AGMO: variants seen among roughly 807,000 people sequenced by gnomAD.
AGMO encodes glyceryl-ether monooxygenase.
In AGMO, 75 loss-of-function variants were observed where a neutral mutation model predicts 60.2. That is an observed-to-expected ratio of 1.25 (90% CI 1.03 to 1.51). AGMO has a LOEUF of 1.51. AGMO is among the 40% of genes most tolerant of loss of function. The pLI is 0.00. For synonymous variants in AGMO, 261 were observed against 177.1 expected, an observed-to-expected ratio of 1.47 and a Z score of -3.76; for missense variants, 763 against 525.5, an observed-to-expected ratio of 1.45 and a Z score of -4.42.
At chr7:15,197,394 A>C (rs897770524), downstream of AGMO, among the ~76,000 whole-genome samples, 5 of 152,224 alleles carry the variant, frequency 3.3e-5, no homozygotes, top group Admixed American at 2.6e-4. Flanking sequence ...GAAAATATTT[A>C]ATAAACTATC....
chr7:15,274,524 C>G (rs1783719345), intron 12 of AGMO, among the ~76,000 whole-genome samples: 1 of 151,284 alleles, frequency 6.6e-6, no homozygotes, highest in Non-Finnish European at 1.5e-5. Flanking sequence ...TTTGATTGGT[C>G]TATGTTTTTA....
intron 12 of AGMO, among the ~76,000 whole-genome samples, chr7:15,245,672 T>C (rs190306691): frequency 5.3e-5 from 8 of 152,188 alleles, no homozygotes; most frequent in Admixed American, 1.3e-4. Context: ...TTTTCGCTAC[T>C]AAAAAGGAGA....
intron 3 of AGMO, among the ~76,000 whole-genome samples, chr7:15,461,640 G>C (rs117467022): frequency 6.6e-6 from 1 of 152,052 alleles, no homozygotes; most frequent in African/African-American, 2.4e-5. Context: ...TCTAGAATGA[G>C]CATGTCTTTT....
chr7:15,232,801 G>GCGCACACACACACACACACA (rs1554398737), intron 12 of AGMO, among the ~76,000 whole-genome samples: 1 of 147,126 alleles, frequency 6.8e-6, no homozygotes, highest in African/African-American at 2.5e-5. Context: ...ACACACACAC[G>GCGCACACACACACACACACA]CACACACACA....
At chr7:15,377,624 T>C (rs887253838) in intron 10 of AGMO, among the ~76,000 whole-genome samples, 6 of 152,034 alleles carry the variant, frequency 3.9e-5, no homozygotes, top group South Asian at 2.1e-4. Context: ...TTAATACAAC[T>C]AAGAAAAATC....
At chr7:15,147,906 T>C in the AGMO span, among the ~76,000 whole-genome samples, 1 of 152,226 alleles carries the variant, frequency 6.6e-6, no homozygotes, top group Non-Finnish European at 1.5e-5. Flanking sequence ...CTAAGCATTA[T>C]TATTTTGACT....
chr7:15,533,083 T>C (rs1285169397), intron 3 of AGMO, among the ~76,000 whole-genome samples: 1 of 152,172 alleles, frequency 6.6e-6, no homozygotes, highest in Admixed American at 6.6e-5. Flanking sequence ...GCAATACCTC[T>C]CAGAGTAGTA....
At chr7:15,241,199 G>A (rs915284661) in intron 12 of AGMO, among the ~76,000 whole-genome samples, 7 of 152,006 alleles carry the variant, frequency 4.6e-5, no homozygotes, top group Admixed American at 2.6e-4. Context: ...AGTGGCTCAC[G>A]CCTGTAATCC....
In AGMO at chr7:15,281,773, G is replaced by C. The variant is rs113203983; in HGVS notation, c.1264-80414C>G. ...CCTGAAGCCTAAACTATTCAACCCAGTAAATAAATTATTGAGGGGAAAATA... is the reference window on the plus strand; with the variant it reads ...CCTGAAGCCTAAACTATTCAACCCACTAAATAAATTATTGAGGGGAAAATA... On this transcript the variant is annotated intron_variant, in intron 12 of 12. Transcript: ENST00000342526. Among the ~76,000 whole-genome samples the C allele has an allele frequency of 1.3e-3, 191 of 152,212 alleles. 1 individual carries two copies. Among genetic ancestry groups the C allele is most frequent in the Middle Eastern group, 6.8e-3 (2 of 294 alleles).
rs768024429 is a variant in AGMO, at chr7:15,561,675, A to T, written c.126+45T>A. 2.1e-5 allele frequency: 32 copies of T among 1,522,096 alleles called. No homozygotes were observed. In the Admixed American group the frequency reaches 5.9e-4, roughly 28 times the overall value. The allele number at this position is 1,522,096 out of a possible 1,614,324, so 94.3% of individuals were successfully genotyped here. A position where few individuals can be genotyped will look rare whatever the true frequency, so the allele number is the denominator to read the frequency against. On this transcript the variant is annotated intron_variant, in intron 1 of 12. Coordinates refer to ENST00000342526, the MANE Select transcript of AGMO (RefSeq NM_001004320.2). The stretch of plus-strand genomic sequence containing the variant: ...AGGAGATTGACCTTACCATTTATTA[A>T]GAAAGCAGCAAGAATAAGAGTAGCC...
intron 10 of AGMO, among the ~76,000 whole-genome samples, chr7:15,381,289 G>A (rs185729986): frequency 6.6e-6 from 1 of 151,926 alleles, no homozygotes; most frequent in Non-Finnish European, 1.5e-5. Flanking sequence ...ATCCAACAAA[G>A]GTATAATATC....
the AGMO span, among the ~76,000 whole-genome samples, chr7:15,127,189 C>T: frequency 6.6e-6 from 1 of 152,080 alleles, no homozygotes; most frequent in Non-Finnish European, 1.5e-5. Context: ...GGCACATGTT[C>T]TCAGGACCTC....
At chr7:15,323,061 C>T (rs1200440475) in intron 12 of AGMO, among the ~76,000 whole-genome samples, 1 of 150,658 alleles carries the variant, frequency 6.6e-6, no homozygotes, top group Non-Finnish European at 1.5e-5. Flanking sequence ...TCTTGAGTGA[C>T]TAAGGGAAAG....
At chr7:15,134,086 G>T in the AGMO span, among the ~76,000 whole-genome samples, 1 of 152,084 alleles carries the variant, frequency 6.6e-6, no homozygotes, top group African/African-American at 2.4e-5. Context: ...TACATGGGTA[G>T]ACTGCATGTC....
rs558864640 is a variant in AGMO at position 15,508,141 on chromosome 7, G to A, written c.409+36631C>T. 1.3e-4 allele frequency among the ~76,000 whole-genome samples: 20 copies of A among 151,792 alleles called. 1 individual carries two copies. The highest frequency in any genetic ancestry group is 4.3e-4 in the African/African-American group (18 of 41,410). On this transcript the variant is annotated intron_variant, in intron 3 of 12. Coordinates refer to ENST00000342526, the MANE Select transcript of AGMO (RefSeq NM_001004320.2). ...TCCAGATGAGCACGAAATAATGCAG[G>A]GAAAAAAATTAGTCCCTAGAAAATG... is the stretch of plus-strand genomic sequence containing the variant.
rs143506355 is a variant in AGMO, at chr7:15,468,407, C to T, written c.410-37299G>A. 6.2e-4 allele frequency among the ~76,000 whole-genome samples: 95 copies of T among 152,130 alleles called. 1 individual carries two copies. The highest frequency in any genetic ancestry group is 2.2e-3 in the African/African-American group (93 of 41,504). ...TTACATTTGAAATTGTCTATGTTAT[C>T]TAATAATTTCACTGTAAAGAAAATG... On this transcript the variant is annotated intron_variant, in intron 3 of 12. Coordinates refer to ENST00000342526, the MANE Select transcript of AGMO (RefSeq NM_001004320.2).
At chr7:15,202,489 A>AAAAAAAAAAAAAAAAC (rs1277846759) in intron 12 of AGMO, among the ~76,000 whole-genome samples, 1 of 132,054 alleles carries the variant, frequency 7.6e-6, no homozygotes, top group African/African-American at 2.9e-5. Flanking sequence ...AAAAAAAAAA[A>AAAAAAAAAAAAAAAAC]CCCTCCCAAA....
chr7:15,386,713 A>G (rs1443015081), intron 9 of AGMO, among the ~76,000 whole-genome samples: 1 of 152,154 alleles, frequency 6.6e-6, no homozygotes, highest in Non-Finnish European at 1.5e-5. Context: ...AATTAAGAGT[A>G]GTTTACTCTT....
At chr7:15,448,586 A>G (rs1192948361) in intron 3 of AGMO, among the ~76,000 whole-genome samples, 3 of 151,418 alleles carry the variant, frequency 2.0e-5, no homozygotes, top group African/African-American at 7.3e-5. Flanking sequence ...CCTAAAAGCA[A>G]TGACTGATTT....
Sources: gnomAD v4.1 joint callset for allele counts (sites outside exome capture counted in the v4.1 genomes callset) on GRCh38, gnomAD v4.1.1 for gene constraint, MANE v1.5 for transcripts, NCBI Gene and HGNC (gene_info 2026-07-23, HGNC 2026-07-21) for gene names.